Variants in GRID1 observed in about 807,000 individuals in gnomAD.
GRID1 encodes the protein glutamate ionotropic receptor delta type subunit 1, also known as glutamate receptor ionotropic, delta-1.
Under a neutral mutation model 98.0 loss-of-function variants are expected in GRID1, and 28 were observed. The observed-to-expected ratio is 0.29, with a 90% CI of 0.21 to 0.39. GRID1 has a LOEUF of 0.39. GRID1 is among the 10% of genes least tolerant of loss of function. GRID1 has a pLI of 1.00. For missense variants in GRID1, 1,111 were observed against 1,340.5 expected (o/e 0.83, Z 2.67); for synonymous variants, 553 against 538.5 (o/e 1.03, Z -0.37).
At chr10:86,332,460 T>C (rs1337467996) in intron 2 of GRID1, among the ~76,000 whole-genome samples, 1 of 152,060 alleles carries the variant, frequency 6.6e-6, no homozygotes, top group African/African-American at 2.4e-5. Flanking sequence ...GGGCTTCCCC[T>C]GGGATGGCCT....
At chr10:86,119,946 A>G (rs1844641865) in intron 4 of GRID1, among the ~76,000 whole-genome samples, 1 of 151,518 alleles carries the variant, frequency 6.6e-6, no homozygotes, top group Non-Finnish European at 1.5e-5. Context: ...ACCCGCCACC[A>G]TGCCCGGCTA....
intron 12 of GRID1, among the ~76,000 whole-genome samples, chr10:85,707,060 T>A (rs964294105): frequency 6.6e-6 from 1 of 152,162 alleles, no homozygotes; most frequent in African/African-American, 2.4e-5. Context: ...GGACAAGGAC[T>A]TCATGTCTAA....
At chr10:86,085,356 G>C (rs890462452) in intron 4 of GRID1, among the ~76,000 whole-genome samples, 2 of 152,308 alleles carry the variant, frequency 1.3e-5, no homozygotes, top group East Asian at 3.9e-4. Context: ...GAAGGACGGC[G>C]CAGGCACCCA....
At chr10:86,081,594 A>G (rs1360639830) in intron 4 of GRID1, among the ~76,000 whole-genome samples, 1 of 152,228 alleles carries the variant, frequency 6.6e-6, no homozygotes, top group Non-Finnish European at 1.5e-5. Context: ...TTTGTCCACA[A>G]TTGCCAAAAT....
At chr10:85,691,690 T>C (rs1338418096) in intron 12 of GRID1, among the ~76,000 whole-genome samples, 7 of 152,158 alleles carry the variant, frequency 4.6e-5, no homozygotes, top group Admixed American at 4.6e-4. Flanking sequence ...AATAAGACAG[T>C]TTCTCTTTCT....
intron 8 of GRID1, among the ~76,000 whole-genome samples, chr10:85,793,252 C>G (rs1357778373): frequency 6.6e-6 from 1 of 152,194 alleles, no homozygotes; most frequent in Non-Finnish European, 1.5e-5. Context: ...TGCAGGGACT[C>G]TGCTGGTGCA....
At chr10:86,226,843 G>A (rs750493789) in intron 2 of GRID1, among the ~76,000 whole-genome samples, 22 of 151,672 alleles carry the variant, frequency 1.5e-4, no homozygotes, top group Non-Finnish European at 2.1e-4. Context: ...AGCTCAGCCA[G>A]CTTGCACACA....
intron 2 of GRID1, among the ~76,000 whole-genome samples, chr10:86,312,322 C>A (rs896356224): frequency 1.3e-5 from 2 of 152,230 alleles, no homozygotes; most frequent in East Asian, 3.8e-4. Flanking sequence ...TCTCCCACCC[C>A]ACCCTAAACA....
chr10:85,823,901 T>C (rs1333381004), intron 8 of GRID1, among the ~76,000 whole-genome samples: 1 of 151,126 alleles, frequency 6.6e-6, no homozygotes, highest in Non-Finnish European at 1.5e-5. Context: ...CTGGAAAAAA[T>C]ATATTTTCAA....
intron 2 of GRID1, among the ~76,000 whole-genome samples, chr10:86,267,946 C>G (rs1847128489): frequency 6.6e-6 from 1 of 152,242 alleles, no homozygotes; most frequent in Non-Finnish European, 1.5e-5. Flanking sequence ...GACACTGTTG[C>G]CTCTGCAGTT....
chr10:86,162,931 A>G (rs963438956), intron 3 of GRID1, among the ~76,000 whole-genome samples: 1 of 152,130 alleles, frequency 6.6e-6, no homozygotes, highest in African/African-American at 2.4e-5. Flanking sequence ...ATCCATCATC[A>G]TGGGCATGGG....
intron 8 of GRID1, among the ~76,000 whole-genome samples, chr10:85,812,088 A>G (rs902182547): frequency 6.6e-6 from 1 of 152,216 alleles, no homozygotes; most frequent in Non-Finnish European, 1.5e-5. Context: ...CCAGTCAAGA[A>G]CTAGGCAAAA....
chr10:86,135,414 C>T (rs1844908937), intron 4 of GRID1, among the ~76,000 whole-genome samples: 1 of 152,328 alleles, frequency 6.6e-6, no homozygotes, highest in South Asian at 2.1e-4. Flanking sequence ...CCAGAGCAGC[C>T]CCATGGTGCC....
At chr10:86,308,649 G>T (rs991398567) in intron 2 of GRID1, among the ~76,000 whole-genome samples, 2 of 152,180 alleles carry the variant, frequency 1.3e-5, no homozygotes, top group African/African-American at 2.4e-5. Context: ...TGCTGTAACG[G>T]AATGCTCGAG....
chr10:85,945,354 A>C (rs1842042371), intron 4 of GRID1, among the ~76,000 whole-genome samples: 1 of 152,088 alleles, frequency 6.6e-6, no homozygotes, highest in Non-Finnish European at 1.5e-5. Context: ...AAATGCTTTA[A>C]TTTTTTTTAA....
intron 8 of GRID1, among the ~76,000 whole-genome samples, chr10:85,751,459 C>A (rs1842044949): frequency 6.6e-6 from 1 of 152,122 alleles, no homozygotes; most frequent in African/African-American, 2.4e-5. Context: ...ATCATGTCTT[C>A]TGCAATCCCA....
intron 4 of GRID1, among the ~76,000 whole-genome samples, chr10:86,124,884 G>T (rs752942347): frequency 2.6e-5 from 4 of 152,184 alleles, no homozygotes; most frequent in Non-Finnish European, 4.4e-5. Context: ...GCTCTGGAGA[G>T]CCCCTGGGTG....
At chr10:85,640,922 C>A (rs569848093) in intron 13 of GRID1, among the ~76,000 whole-genome samples, 1 of 152,318 alleles carries the variant, frequency 6.6e-6, no homozygotes, top group East Asian at 1.9e-4. Flanking sequence ...AAAAACACCA[C>A]CTTTTGTTAC....
chr10:85,779,908 G>C (rs905263213), intron 8 of GRID1, among the ~76,000 whole-genome samples: 1 of 152,324 alleles, frequency 6.6e-6, no homozygotes, highest in African/African-American at 2.4e-5. Flanking sequence ...GACCTGGTTG[G>C]CTTTGCATGC....
Sources: gnomAD v4.1 joint callset for allele counts (sites outside exome capture counted in the v4.1 genomes callset) on GRCh38, gnomAD v4.1.1 for gene constraint, MANE v1.5 for transcripts, NCBI Gene and HGNC (gene_info 2026-07-23, HGNC 2026-07-21) for gene names.